FGF2: variants seen among roughly 807,000 people sequenced by gnomAD.
FGF2 encodes the protein basic fibroblast growth factor bFGF.
In FGF2, 13 loss-of-function variants were observed where a neutral mutation model predicts 15.9. That is an observed-to-expected ratio of 0.82 (90% confidence interval 0.53 to 1.30). FGF2 has a LOEUF of 1.30. Ranked by LOEUF, FGF2 falls within the 50% of genes most tolerant of loss-of-function variation. FGF2 has a pLI of 0.00. For missense variants in FGF2, 163 were observed against 196.9 expected, an observed-to-expected ratio of 0.83 and a Z score of 1.03; for synonymous variants, 90 against 78.4, an observed-to-expected ratio of 1.15 and a Z score of -0.78.
chr4:122,881,018 G>A (rs1472243576), intron 2 of FGF2, among the ~76,000 whole-genome samples: 4 of 152,172 alleles, frequency 2.6e-5, no homozygotes, highest in African/African-American at 9.7e-5. Flanking sequence ...CCATGTGGAA[G>A]CTGCCAAGGC....
chr4:122,897,779 A>G lies in FGF2; in HGVS notation c.*5383A>G, dbSNP rs559374356. 422 of 823,222 alleles carry G rather than the reference A, an allele frequency of 5.1e-4. 2 individuals carry two copies. The highest frequency in any genetic ancestry group is 2.8e-3 in the Middle Eastern group (11 of 3,996). The allele number at this position is 823,222 out of a possible 1,614,324, so 51.0% of individuals were successfully genotyped here. A position where few individuals can be genotyped will look rare whatever the true frequency, so the allele number is the denominator to read the frequency against. On this transcript the variant is annotated 3_prime_UTR_variant, in exon 3 of 3. Coordinates refer to ENST00000644866, the MANE Select transcript of FGF2 (RefSeq NM_001361665.2). Reference sequence around the variant, plus strand: ...CCTATAATTGGTCAAAGTGGTTGAGAATATATTTTTTAGTAATTGCATGCA... The same window carrying G: ...CCTATAATTGGTCAAAGTGGTTGAGGATATATTTTTTAGTAATTGCATGCA...
chr4:122,827,033 C>T lies in FGF2; in HGVS notation c.-142C>T. ...GGCTGGGGGACCGCGGGCGCGGCCG[C>T]GCGCTGCCGGGCGGGAGGCTGGGGG... On this transcript the variant is annotated 5_prime_UTR_variant, in exon 1 of 3. Coordinates refer to ENST00000644866, the MANE Select transcript of FGF2 (RefSeq NM_001361665.2). This position sits in a 1 kb window ranked among gnomAD's most constrained non-coding sequence, Gnocchi z 4.2. The T allele has an allele frequency of 8.5e-7, 1 of 1,170,018 alleles. No individual in the cohort carries two copies. The highest frequency in any genetic ancestry group is 1.1e-6 in the Non-Finnish European group (1 of 949,046). 72.5% of individuals were successfully genotyped at this position (1,170,018 alleles called of 1,614,324 possible).
intron 1 of FGF2, among the ~76,000 whole-genome samples, chr4:122,855,703 C>T (rs1018375708): frequency 8.5e-5 from 13 of 152,238 alleles, no homozygotes; most frequent in African/African-American, 1.4e-4. Context: ...ATTCAGTAAG[C>T]GTTGCAGGAA....
At chr4:122,878,524 G>A (rs936315723) in intron 2 of FGF2, among the ~76,000 whole-genome samples, 2 of 152,192 alleles carry the variant, frequency 1.3e-5, no homozygotes, top group African/African-American at 4.8e-5. Context: ...GAGGTAGATA[G>A]ACTGTCTGCT....
intron 1 of FGF2, among the ~76,000 whole-genome samples, chr4:122,852,791 TG>T (rs1405029201): frequency 6.6e-6 from 1 of 152,188 alleles, no homozygotes; most frequent in Non-Finnish European, 1.5e-5. Flanking sequence ...TCCATCCTCA[TG>T]GCCACCATCA....
At chr4:122,849,661 G>A (rs551654952) in intron 1 of FGF2, among the ~76,000 whole-genome samples, 8 of 152,312 alleles carry the variant, frequency 5.3e-5, no homozygotes, top group Admixed American at 1.3e-4. Context: ...CACAGTGTGG[G>A]TAGATACATT....
chr4:122,842,549 CTG>C (rs1010487851), intron 1 of FGF2, among the ~76,000 whole-genome samples: 1 of 152,176 alleles, frequency 6.6e-6, no homozygotes, highest in African/African-American at 2.4e-5. Flanking sequence ...AGAAACATCT[CTG>C]TGAAGCTCGT....
chr4:122,881,189 G>T (rs1373986010), intron 2 of FGF2, among the ~76,000 whole-genome samples: 1 of 152,110 alleles, frequency 6.6e-6, no homozygotes, highest in East Asian at 1.9e-4. Context: ...GTAAACCTCT[G>T]GGCCTGTGAT....
chr4:122,889,785 TC>T (rs1560759561), intron 2 of FGF2, among the ~76,000 whole-genome samples: 1 of 152,202 alleles, frequency 6.6e-6, no homozygotes, highest in African/African-American at 2.4e-5. Context: ...ATCCACTTAG[TC>T]CCTGGTACTG....
At chr4:122,869,327 T>A (rs1439921261) in intron 1 of FGF2, among the ~76,000 whole-genome samples, 2 of 152,188 alleles carry the variant, frequency 1.3e-5, no homozygotes, top group African/African-American at 4.8e-5. Flanking sequence ...GGGGTCTTCT[T>A]TCATTCCATA....
chr4:122,894,424 A>C lies in FGF2; in HGVS notation c.*2028A>C, dbSNP rs1443841883. 6.6e-6 allele frequency: 1 copy of C among 152,284 alleles called. No homozygotes were observed. The highest frequency in any genetic ancestry group is 1.5e-5 in the Non-Finnish European group (1 of 68,148). 9.4% of individuals were successfully genotyped at this position (152,284 alleles called of 1,614,324 possible). A position where few individuals can be genotyped will look rare whatever the true frequency, so the allele number is the denominator to read the frequency against. On this transcript the variant is annotated 3_prime_UTR_variant, in exon 3 of 3. Coordinates refer to ENST00000644866, the MANE Select transcript of FGF2 (RefSeq NM_001361665.2). ...TGGTGAAACCCCGTCTCTACAAAAA[A>C]ACACAAAAAATAGCCAGGCATGGTG...
intron 1 of FGF2, among the ~76,000 whole-genome samples, chr4:122,845,844 G>C (rs1726099652): frequency 6.6e-6 from 1 of 152,076 alleles, no homozygotes; most frequent in East Asian, 1.9e-4. Context: ...TATCATTCTT[G>C]TGTTCACTGG....
rs1285529901 is a variant in FGF2 at position 122,893,006 on chromosome 4, TCA to T, written c.*611_*612del. 3 of 1,614,060 alleles carry T rather than the reference TCA, an allele frequency of 1.9e-6. No individual in the cohort carries two copies. The African/African-American group carries it at 4.0e-5, about 22-fold the overall frequency. On this transcript the variant is annotated 3_prime_UTR_variant, in exon 3 of 3. Coordinates refer to ENST00000644866, the MANE Select transcript of FGF2 (RefSeq NM_001361665.2). ...TCTGCTGGTGATGGGAGTTGTATTT[TCA>T]GTCTTCGCCAGGTCATTGAGATCCA...
intron 1 of FGF2, among the ~76,000 whole-genome samples, chr4:122,844,921 G>A (rs72672949): frequency 0.037 from 5,678 of 152,238 alleles, 178 homozygotes; most frequent in Non-Finnish European, 0.053. Context: ...ACAGGCATAA[G>A]TTACCATGCC....
At chr4:122,831,124 A>T (rs1725757812) in intron 1 of FGF2, among the ~76,000 whole-genome samples, 2 of 152,206 alleles carry the variant, frequency 1.3e-5, no homozygotes, top group African/African-American at 2.4e-5. Context: ...ACAGAAGAGG[A>T]TACTGAAGCT....
chr4:122,862,982 A>G (rs1726502933), intron 1 of FGF2, among the ~76,000 whole-genome samples: 1 of 152,220 alleles, frequency 6.6e-6, no homozygotes, highest in South Asian at 2.1e-4. Flanking sequence ...CAGTGTCTAA[A>G]GTCCAATTTA....
intron 1 of FGF2, among the ~76,000 whole-genome samples, chr4:122,852,148 T>C (rs1199000382): frequency 6.6e-6 from 1 of 152,258 alleles, no homozygotes; most frequent in East Asian, 1.9e-4. Flanking sequence ...ATAGTGATTT[T>C]ATATTTTATG....
intron 1 of FGF2, among the ~76,000 whole-genome samples, chr4:122,829,235 T>G (rs2150759584): frequency 6.6e-6 from 1 of 152,306 alleles, no homozygotes; most frequent in South Asian, 2.1e-4. Flanking sequence ...GGGTTTTCAT[T>G]TTTGTAATCT....
intron 1 of FGF2, among the ~76,000 whole-genome samples, chr4:122,858,362 A>C (rs1164892098): frequency 6.6e-6 from 1 of 150,694 alleles, no homozygotes; most frequent in African/African-American, 2.4e-5. Flanking sequence ...AAAGTTTTTC[A>C]TTTTCAGCAA....
Sources: gnomAD v4.1 joint callset for allele counts (sites outside exome capture counted in the v4.1 genomes callset) on GRCh38, gnomAD v4.1.1 for gene constraint, Gnocchi (gnomAD v3.1) non-coding constraint, MANE v1.5 for transcripts, NCBI Gene and HGNC (gene_info 2026-07-23, HGNC 2026-07-21) for gene names.